The following RHBDL3 variants were observed in gnomAD, a reference collection of about 807,000 sequenced individuals.
The protein encoded by RHBDL3 is rhomboid-related protein 3.
A neutral mutation model predicts 48.2 loss-of-function variants in RHBDL3; 28 were observed. The ratio of observed to expected loss-of-function variants is 0.58; its 90% confidence interval spans 0.43 to 0.80. The LOEUF (loss-of-function observed/expected upper bound fraction) is 0.80. Ranked by LOEUF, RHBDL3 falls within the 30% of genes least tolerant of loss-of-function variation. The probability of loss-of-function intolerance (pLI) is 0.00; values close to 1 mark genes in which losing one functional copy is unlikely to be tolerated. For synonymous variants in RHBDL3, 208 were observed against 232.3 expected (o/e 0.90, Z 0.95); for missense variants, 464 against 542.7 (o/e 0.85, Z 1.44).
chr17:32,285,344 A>C (rs542422097), intron 3 of RHBDL3, among the ~76,000 whole-genome samples: 1 of 152,286 alleles, frequency 6.6e-6, no homozygotes, highest in South Asian at 2.1e-4. Context: ...AGTTACGCCA[A>C]AATGAAGGGC....
chr17:32,315,084 T>G (rs1478784291), intron 7 of RHBDL3, among the ~76,000 whole-genome samples: 1 of 152,260 alleles, frequency 6.6e-6, no homozygotes, highest in Non-Finnish European at 1.5e-5. Flanking sequence ...CTCTGTGTCC[T>G]GCTTGCTTGA....
At position 32,294,286 on chromosome 17, in the gene RHBDL3, C is replaced by A. The variant is rs1227890732; in HGVS notation, c.520-8C>A. On this transcript the variant is annotated splice_region_variant and splice_polypyrimidine_tract_variant and intron_variant, in intron 4 of 8. Coordinates refer to ENST00000269051, the MANE Select transcript of RHBDL3 (RefSeq NM_138328.3). ...CACCTAGTAACAGACTCTCTCTCTT[C>A]TGTCCAGGTTGCCTTTTTCCTCTAC... 1 of 1,613,090 alleles carries A rather than the reference C, an allele frequency of 6.2e-7. No homozygotes were observed. Among genetic ancestry groups the A allele is most frequent in the Non-Finnish European group, 8.5e-7 (1 of 1,179,468 alleles).
At chr17:32,299,037 T>C (rs2040520517) in intron 6 of RHBDL3, among the ~76,000 whole-genome samples, 1 of 141,892 alleles carries the variant, frequency 7.0e-6, no homozygotes, top group Non-Finnish European at 1.5e-5. Context: ...TCCAACTTTA[T>C]TGCCGGCTGT....
At chr17:32,267,832 A>G (rs1243844498) in intron 1 of RHBDL3, 70 bp from the exon 2 acceptor site, 1 of 1,612,590 alleles carries the variant, frequency 6.2e-7, no homozygotes, top group Non-Finnish European at 8.5e-7. Context: ...GACTACAGAG[A>G]CCTTGGTGAT....
rs1477954407 is a variant in RHBDL3 at position 32,298,083 on chromosome 17, C to T, written c.669-9C>T. ...AGATGAATGAGTGAGTGTGGTCTCT[C>T]TGTCACAGGATAGAACACCTGGGAC... On this transcript the variant is annotated splice_polypyrimidine_tract_variant and intron_variant, in intron 5 of 8. Coordinates refer to ENST00000269051, the MANE Select transcript of RHBDL3 (RefSeq NM_138328.3). 4 of 1,583,650 alleles carry T rather than the reference C, an allele frequency of 2.5e-6. No homozygotes were observed. Among genetic ancestry groups the T allele is most frequent in the Non-Finnish European group, 3.5e-6 (4 of 1,153,382 alleles).
chr17:32,310,178 T>C (rs2040810321), intron 7 of RHBDL3, among the ~76,000 whole-genome samples: 2 of 152,232 alleles, frequency 1.3e-5, no homozygotes. Flanking sequence ...CTCTGTATGA[T>C]TGATGTTTTC....
intron 2 of RHBDL3, among the ~76,000 whole-genome samples, chr17:32,277,907 A>T (rs73984508): frequency 1.9e-3 from 295 of 152,342 alleles, no homozygotes; most frequent in African/African-American, 6.3e-3. Context: ...ATGGTGCGTT[A>T]TGACCCTCCA....
chr17:32,281,849 A>C (rs1020965635), intron 2 of RHBDL3, among the ~76,000 whole-genome samples: 13 of 152,056 alleles, frequency 8.5e-5, no homozygotes. Context: ...TTGGTCCTTA[A>C]ATTTTGTTCC....
At chr17:32,310,347 C>T (rs983347874) in intron 7 of RHBDL3, among the ~76,000 whole-genome samples, 5 of 149,122 alleles carry the variant, frequency 3.4e-5, no homozygotes, top group East Asian at 2.0e-4. Flanking sequence ...TTTGGGAGGC[C>T]GAGGTGGGCA....
chr17:32,270,976 G>A (rs2039759482), intron 2 of RHBDL3, among the ~76,000 whole-genome samples: 3 of 152,208 alleles, frequency 2.0e-5, no homozygotes, highest in South Asian at 2.1e-4. Context: ...TGGGCAGATC[G>A]CTTGAGCCCA....
chr17:32,279,551 C>T (rs550550496), intron 2 of RHBDL3, among the ~76,000 whole-genome samples: 2 of 152,356 alleles, frequency 1.3e-5, no homozygotes, highest in South Asian at 4.1e-4. Flanking sequence ...GACCCCGGCC[C>T]TTCCTCACTC....
intron 4 of RHBDL3, among the ~76,000 whole-genome samples, chr17:32,293,459 G>A (rs985741251): frequency 1.3e-5 from 2 of 151,832 alleles, no homozygotes; most frequent in African/African-American, 4.8e-5. Context: ...GTGCACTCCT[G>A]TAATCCCAGA....
At chr17:32,314,409 T>C (rs919791661) in intron 7 of RHBDL3, among the ~76,000 whole-genome samples, 1 of 150,686 alleles carries the variant, frequency 6.6e-6, no homozygotes, top group African/African-American at 2.4e-5. Context: ...TGAGACGGAG[T>C]CTGGCTCAAG....
intron 5 of RHBDL3, among the ~76,000 whole-genome samples, chr17:32,297,764 T>A (rs1461353647): frequency 6.7e-6 from 1 of 150,226 alleles, no homozygotes; most frequent in African/African-American, 2.5e-5. Context: ...CCTCTCAAAG[T>A]GTTGGGCTTA....
At position 32,313,565 on chromosome 17, in the gene RHBDL3, C is replaced by T. The variant is rs150932150; in HGVS notation, c.883-2667C>T. ...ACTCTGTACCCACTAAACAATGACT[C>T]CCCACCCCCTCCTCCCTCCAGCCCC... is the stretch of plus-strand genomic sequence containing the variant. On this transcript the variant is annotated intron_variant, in intron 7 of 8. Coordinates refer to ENST00000269051, the MANE Select transcript of RHBDL3 (RefSeq NM_138328.3). 7.2e-3 allele frequency among the ~76,000 whole-genome samples: 1,098 copies of T among 151,950 alleles called. 9 individuals carry two copies. The highest frequency in any genetic ancestry group is 0.025 in the African/African-American group (1,028 of 41,468).
intron 1 of RHBDL3, among the ~76,000 whole-genome samples, chr17:32,266,986 T>C (rs758862739): frequency 9.2e-5 from 14 of 151,914 alleles, no homozygotes; most frequent in Non-Finnish European, 1.8e-4. Context: ...CGGGTCTCCA[T>C]CCCTCCGGTC....
rs191136079 is a variant in RHBDL3 at position 32,293,185 on chromosome 17, G to A, written c.520-1109G>A. Among the ~76,000 whole-genome samples the A allele has an allele frequency of 1.3e-4, 20 of 152,174 alleles. No homozygotes were observed. In the East Asian group the frequency reaches 2.7e-3, roughly 21 times the overall value. ...AGGGGCTGGAGGGAGGGGGTGGGGC[G>A]TCATTGTTCAGTGGGTACAGAGTTT... On this transcript the variant is annotated intron_variant, in intron 4 of 8. Coordinates refer to ENST00000269051, the MANE Select transcript of RHBDL3 (RefSeq NM_138328.3).
At chr17:32,289,040 G>A (rs980114897) in intron 4 of RHBDL3, 24 bp downstream of exon 4, 5 of 1,606,126 alleles carry the variant, frequency 3.1e-6, no homozygotes, top group Non-Finnish European at 4.3e-6. Flanking sequence ...TGGGGAGGGG[G>A]TTGCTCTGCC....
chr17:32,307,629 CAGAG>C (rs1330548982), intron 7 of RHBDL3, among the ~76,000 whole-genome samples: 1 of 152,162 alleles, frequency 6.6e-6, no homozygotes, highest in East Asian at 1.9e-4. Context: ...GGTGAGTGCT[CAGAG>C]AGAGGCTGCG....
Sources: gnomAD v4.1 joint callset for allele counts (sites outside exome capture counted in the v4.1 genomes callset) on GRCh38, gnomAD v4.1.1 for gene constraint, MANE v1.5 for transcripts, NCBI Gene and HGNC (gene_info 2026-07-23, HGNC 2026-07-21) for gene names.